ATP2B2: variants seen among roughly 807,000 people sequenced by gnomAD.
ATP2B2 encodes the protein ATPase plasma membrane Ca2+ transporting 2, also known as plasma membrane calcium-transporting ATPase 2.
In ATP2B2, 15 loss-of-function variants were observed where a neutral mutation model predicts 120.0. The ratio of observed to expected loss-of-function variants is 0.12; its 90% CI spans 0.08 to 0.19. ATP2B2 has a LOEUF of 0.19. ATP2B2 is among the 10% of genes least tolerant of loss of function. The probability of loss-of-function intolerance (pLI) is 1.00; values close to 1 mark genes in which losing one functional copy is unlikely to be tolerated. For synonymous variants in ATP2B2, 694 were observed against 700.3 expected (o/e 0.99, Z 0.14); for missense variants, 1,045 against 1,719.8 (o/e 0.61, Z 6.94).
At chr3:10,515,816 G>A (rs544452290) in intron 3 of ATP2B2, among the ~76,000 whole-genome samples, 14 of 152,280 alleles carry the variant, frequency 9.2e-5, no homozygotes, top group African/African-American at 3.4e-4. Context: ...CTGAGATACT[G>A]CCTGTAAAAT....
intron 3 of ATP2B2, among the ~76,000 whole-genome samples, chr3:10,514,403 G>T (rs1366814083): frequency 6.6e-6 from 1 of 152,132 alleles, no homozygotes; most frequent in African/African-American, 2.4e-5. Context: ...GACCCACAAG[G>T]GTGTCATATC....
At chr3:10,681,314 GCCCCAGGCC>G (rs1229948682) in intron 1 of ATP2B2, among the ~76,000 whole-genome samples, 2 of 152,220 alleles carry the variant, frequency 1.3e-5, no homozygotes, top group African/African-American at 4.8e-5. Context: ...TGGAGGCCTG[GCCCCAGGCC>G]CTTGTCACCA....
At chr3:10,505,797 C>CGGGG (rs71055820), upstream of ATP2B2, 2 of 81,622 alleles carry the variant, frequency 2.5e-5, no homozygotes, top group African/African-American at 5.0e-5. Flanking sequence ...GAGTGGGGGG[C>CGGGG]GGGGGGGGTG....
At chr3:10,680,519 G>C (rs909827956) in intron 1 of ATP2B2, among the ~76,000 whole-genome samples, 1 of 152,084 alleles carries the variant, frequency 6.6e-6, no homozygotes, top group South Asian at 2.1e-4. Flanking sequence ...AGTGACCTTG[G>C]GCAGGCCATC....
At chr3:10,412,217 C>G (rs992673041) in intron 2 of ATP2B2, among the ~76,000 whole-genome samples, 1 of 152,224 alleles carries the variant, frequency 6.6e-6, no homozygotes, top group Non-Finnish European at 1.5e-5. Context: ...CTCCTAAACT[C>G]CCTGGTACTG....
chr3:10,695,550 A>C (rs1218752147), intron 1 of ATP2B2, among the ~76,000 whole-genome samples: 1 of 152,166 alleles, frequency 6.6e-6, no homozygotes, highest in Non-Finnish European at 1.5e-5. Flanking sequence ...TGTTACGTGA[A>C]CAAACACAGG....
intron 1 of ATP2B2, among the ~76,000 whole-genome samples, chr3:10,477,063 T>A (rs2065231676): frequency 6.6e-6 from 1 of 152,196 alleles, no homozygotes; most frequent in East Asian, 1.9e-4. Context: ...TGGCTTGAAA[T>A]GTTAGCTGAA....
At chr3:10,466,943 CACCATGGGTGGGTAGG>C (rs1196339680) in intron 1 of ATP2B2, among the ~76,000 whole-genome samples, 1 of 152,182 alleles carries the variant, frequency 6.6e-6, no homozygotes, top group Non-Finnish European at 1.5e-5. Context: ...TGGTCACACC[CACCATGGGTGGGTAGG>C]CATTGGGCAA....
intron 2 of ATP2B2, among the ~76,000 whole-genome samples, chr3:10,569,657 T>G (rs2068081068): frequency 6.6e-6 from 1 of 152,170 alleles, no homozygotes; most frequent in Admixed American, 6.5e-5. Flanking sequence ...AATATTAAGG[T>G]GTACCGTTCA....
At chr3:10,408,438 C>G (rs2062493021) in intron 3 of ATP2B2, among the ~76,000 whole-genome samples, 1 of 152,318 alleles carries the variant, frequency 6.6e-6, no homozygotes, top group Admixed American at 6.5e-5. Flanking sequence ...GCCCAGAGCT[C>G]AGATCTCAGG....
chr3:10,429,986 A>G (rs968005746), intron 2 of ATP2B2, among the ~76,000 whole-genome samples: 1 of 152,232 alleles, frequency 6.6e-6, no homozygotes, highest in Non-Finnish European at 1.5e-5. Context: ...GAAGGCTGAG[A>G]GAAGTGAGGA....
At chr3:10,601,225 T>C (rs1272998855) in intron 2 of ATP2B2, among the ~76,000 whole-genome samples, 1 of 152,174 alleles carries the variant, frequency 6.6e-6, no homozygotes, top group East Asian at 1.9e-4. Flanking sequence ...GAGGCCATGA[T>C]TGGTGCCCAG....
intron 8 of ATP2B2, among the ~76,000 whole-genome samples, chr3:10,383,187 C>A (rs77502211): frequency 0.011 from 1,717 of 151,348 alleles, 38 homozygotes; most frequent in African/African-American, 0.039. Flanking sequence ...AAGGAGCTCC[C>A]AGGTGATGTG....
chr3:10,386,023 G>A (rs922293752), intron 7 of ATP2B2, among the ~76,000 whole-genome samples: 3 of 152,214 alleles, frequency 2.0e-5, no homozygotes, highest in Non-Finnish European at 4.4e-5. Flanking sequence ...GATATGAGAT[G>A]GCTAAATTCA....
At chr3:10,452,173 G>A (rs768628638) in intron 1 of ATP2B2, among the ~76,000 whole-genome samples, 7 of 152,284 alleles carry the variant, frequency 4.6e-5, no homozygotes, top group Non-Finnish European at 7.3e-5. Context: ...GTGGGGAGAT[G>A]CCACGGAGTG....
intron 2 of ATP2B2, among the ~76,000 whole-genome samples, chr3:10,426,245 T>A (rs2063142511): frequency 6.6e-6 from 1 of 152,198 alleles, no homozygotes; most frequent in African/African-American, 2.4e-5. Context: ...CTTTTAATCA[T>A]TATTTTAATA....
intron 1 of ATP2B2, among the ~76,000 whole-genome samples, chr3:10,501,272 C>A (rs1460050362): frequency 6.6e-6 from 1 of 152,230 alleles, no homozygotes; most frequent in Non-Finnish European, 1.5e-5. Flanking sequence ...CTCCCGCCGC[C>A]TCCATCCAGA....
At chr3:10,345,875 C>T (rs147445881) in intron 17 of ATP2B2, among the ~76,000 whole-genome samples, 156 bp downstream of exon 17, 2 of 152,346 alleles carry the variant, frequency 1.3e-5, no homozygotes, top group Non-Finnish European at 2.9e-5. Context: ...TCCAGGAAGA[C>T]CTCGGGGTCA....
At position 10,427,257 on chromosome 3, in the gene ATP2B2, T is replaced by C. The variant is rs139661362; in HGVS notation, c.200-16442A>G. Among the ~76,000 whole-genome samples the C allele has an allele frequency of 3.2e-3, 495 of 152,336 alleles. 2 individuals carry two copies. Among genetic ancestry groups the C allele is most frequent in the African/African-American group, 0.011 (476 of 41,584 alleles). On this transcript the variant is annotated intron_variant, in intron 2 of 22. Transcript: ENST00000360273. ...CAACTCAGCAAGTCTAAGACCAAAC[T>C]AATTGTTTCCTTCAAATCTATTCCT... is the stretch of plus-strand genomic sequence containing the variant.
Sources: allele counts gnomAD v4.1 joint callset (sites outside exome capture counted in the v4.1 genomes callset), GRCh38; gene constraint gnomAD v4.1.1; transcripts MANE v1.5; gene names NCBI Gene and HGNC (gene_info 2026-07-23, HGNC 2026-07-21).